GDAP1: variants seen among roughly 807,000 people sequenced by gnomAD.
GDAP1 encodes ganglioside-induced differentiation-associated protein 1.
In GDAP1, 34 loss-of-function variants were observed where a neutral mutation model predicts 40.1. The observed-to-expected ratio is 0.85, with a 90% CI of 0.64 to 1.13. GDAP1 has a LOEUF of 1.13. Ranked by LOEUF, GDAP1 falls within the 50% of genes most tolerant of loss-of-function variation. The probability of loss-of-function intolerance (pLI) is 0.00; values close to 1 mark genes in which losing one functional copy is unlikely to be tolerated. For missense variants in GDAP1, 374 were observed against 433.7 expected (o/e 0.86, Z 1.22); for synonymous variants, 170 against 157.4 (o/e 1.08, Z -0.60).
At chr8:74,461,267 A>G (rs1293342075) in intron 2 of GDAP1, among the ~76,000 whole-genome samples, 1 of 152,204 alleles carries the variant, frequency 6.6e-6, no homozygotes, top group Non-Finnish European at 1.5e-5. Flanking sequence ...TTATCCTAAT[A>G]TAGATACTTT....
intron 2 of GDAP1, among the ~76,000 whole-genome samples, chr8:74,372,427 C>T (rs1274662865): frequency 2.0e-5 from 3 of 152,250 alleles, no homozygotes; most frequent in Non-Finnish European, 2.9e-5. Context: ...CTCTCCAGCA[C>T]CTGTTGTTTC....
At chr8:74,352,422 G>GC (rs386413092) in intron 2 of GDAP1, among the ~76,000 whole-genome samples, 1 of 151,698 alleles carries the variant, frequency 6.6e-6, no homozygotes, top group Non-Finnish European at 1.5e-5. Flanking sequence ...AATAGGGTAG[G>GC]TGAAAGCAGA....
At chr8:74,440,942 C>A (rs976169337) in intron 2 of GDAP1, among the ~76,000 whole-genome samples, 1 of 152,016 alleles carries the variant, frequency 6.6e-6, no homozygotes, top group Non-Finnish European at 1.5e-5. Context: ...TAAATATTTC[C>A]CTTCTAATGA....
At chr8:74,476,113 T>C (rs1806625724) in intron 2 of GDAP1, among the ~76,000 whole-genome samples, 1 of 152,202 alleles carries the variant, frequency 6.6e-6, no homozygotes, top group Non-Finnish European at 1.5e-5. Context: ...CCCTTTATTA[T>C]TTTTCTGTTT....
intron 2 of GDAP1, among the ~76,000 whole-genome samples, chr8:74,422,917 C>A (rs1805896220): frequency 6.6e-6 from 1 of 151,398 alleles, no homozygotes. Flanking sequence ...GAAATGTAGA[C>A]ATGTATATAT....
chr8:74,477,463 G>GT (rs71271806), intron 2 of GDAP1, among the ~76,000 whole-genome samples: 9,269 of 147,066 alleles, frequency 0.063, 451 homozygotes, highest in African/African-American at 0.13. Flanking sequence ...CCTTTGGATG[G>GT]TTTTTTTTTT....
In GDAP1 at chr8:74,416,129, C is replaced by T. The variant is rs767031889; in HGVS notation, c.165+64808C>T. ...CTATGCTCTTCCCTGGATCATTACC[C>T]CAGTGGCCAGAGAACTGCCCTCTGA... is the stretch of plus-strand genomic sequence containing the variant. On this transcript the variant is annotated intron_variant, in intron 2 of 2. Transcript: ENST00000523640. 5.3e-5 allele frequency among the ~76,000 whole-genome samples: 8 copies of T among 149,848 alleles called. 1 individual carries two copies. The highest frequency in any genetic ancestry group is 7.6e-5 in the African/African-American group (3 of 39,240).
At chr8:74,403,277 A>G (rs1384128685) in intron 2 of GDAP1, among the ~76,000 whole-genome samples, 1 of 150,138 alleles carries the variant, frequency 6.7e-6, no homozygotes, top group Non-Finnish European at 1.5e-5. Context: ...CATCCTACCA[A>G]TTTCATTACA....
intron 2 of GDAP1, among the ~76,000 whole-genome samples, chr8:74,466,019 G>T (rs574537586): frequency 2.0e-4 from 30 of 152,048 alleles, no homozygotes; most frequent in Non-Finnish European, 4.1e-4. Context: ...TGCTTATAGC[G>T]CAGACTCTCA....
Position 74,373,675 on chromosome 8 carries a change from T to G in GDAP1, c.165+22354T>G, listed in dbSNP as rs368834182. On this transcript the variant is annotated intron_variant, in intron 2 of 2. Coordinates refer to the GDAP1 transcript ENST00000523640. ...ATTTTGGGCTGAGATGATGGGGTTT[T>G]CTAAATATATAATCATGTCATCTGC... Among the ~76,000 whole-genome samples the G allele has an allele frequency of 5.6e-4, 85 of 152,340 alleles. 1 individual carries two copies. In the South Asian group the frequency reaches 0.017, roughly 31 times the overall value.
chr8:74,362,883 AT>A (rs1187586738), intron 4 of GDAP1, 55 bp from the exon 5 acceptor site: 25 of 720,796 alleles, frequency 3.5e-5, no homozygotes, highest in Middle Eastern at 3.9e-4. Context: ...ACCTAGATTT[AT>A]TTTTTTTAAA....
At chr8:74,473,622 T>TAC (rs1563479230) in intron 2 of GDAP1, among the ~76,000 whole-genome samples, 1 of 152,172 alleles carries the variant, frequency 6.6e-6, no homozygotes, top group Non-Finnish European at 1.5e-5. Context: ...TATAAGGCTG[T>TAC]AGCCTTATTT....
downstream of GDAP1, among the ~76,000 whole-genome samples, chr8:74,368,682 C>T (rs1036624298): frequency 6.6e-6 from 1 of 152,142 alleles, no homozygotes; most frequent in African/African-American, 2.4e-5. Flanking sequence ...TAGAGGAGGG[C>T]CTCATTAACA....
At chr8:74,438,291 A>C (rs112158483) in intron 2 of GDAP1, among the ~76,000 whole-genome samples, 1 of 151,608 alleles carries the variant, frequency 6.6e-6, no homozygotes, top group African/African-American at 2.4e-5. Flanking sequence ...ACAACAACAA[A>C]AAAAGAAGGG....
At chr8:74,402,784 A>C (rs58094920) in intron 2 of GDAP1, among the ~76,000 whole-genome samples, 40,279 of 150,134 alleles carry the variant, frequency 0.27, 6,627 homozygotes, top group Non-Finnish European at 0.34. Flanking sequence ...TTGCATATAC[A>C]AAAAATCTTA....
At chr8:74,486,109 C>T (rs1419620239) in intron 2 of GDAP1, among the ~76,000 whole-genome samples, 1 of 152,168 alleles carries the variant, frequency 6.6e-6, no homozygotes, top group Non-Finnish European at 1.5e-5. Context: ...CATAGTTACA[C>T]ACATAGGCTG....
intron 3 of GDAP1, 107 bp downstream of exon 3, chr8:74,360,417 T>C (rs1809308408): frequency 1.0e-6 from 1 of 962,130 alleles, no homozygotes; most frequent in Admixed American, 1.7e-5. Flanking sequence ...GGAATAGGGT[T>C]GTTGAGTTTG....
chr8:74,397,715 A>G (rs931108475), intron 2 of GDAP1, among the ~76,000 whole-genome samples: 1 of 151,930 alleles, frequency 6.6e-6, no homozygotes, highest in Non-Finnish European at 1.5e-5. Context: ...ATTGATCTAT[A>G]TCTCTGTTTT....
intron 4 of GDAP1, 110 bp downstream of exon 4, chr8:74,362,088 C>T (rs1809396477): frequency 1.4e-6 from 1 of 712,806 alleles, no homozygotes. Flanking sequence ...TTGCAGTTCA[C>T]CAGTACACAT....
Sources: allele counts gnomAD v4.1 joint callset (sites outside exome capture counted in the v4.1 genomes callset), GRCh38; gene constraint gnomAD v4.1.1; transcripts MANE v1.5; gene names NCBI Gene and HGNC (gene_info 2026-07-23, HGNC 2026-07-21).